The following DLG1 variants were observed in gnomAD, a reference collection of about 807,000 sequenced individuals.
The protein encoded by DLG1 is disks large homolog 1.
DLG1 carries 42 observed loss-of-function variants against 123.4 expected under a neutral mutation model. The observed-to-expected ratio is 0.34, with a 90% CI of 0.27 to 0.44. DLG1 has a LOEUF of 0.44. Ranked by LOEUF, DLG1 falls within the 20% of genes least tolerant of loss-of-function variation. The probability of loss-of-function intolerance (pLI) is 1.00; values close to 1 mark genes in which losing one functional copy is unlikely to be tolerated. For synonymous variants in DLG1, 317 were observed against 356.2 expected, an observed-to-expected ratio of 0.89 and a Z score of 1.24; for missense variants, 942 against 1,082.6, an observed-to-expected ratio of 0.87 and a Z score of 1.82.
intron 5 of DLG1, among the ~76,000 whole-genome samples, chr3:197,158,796 C>T (rs1797587691): frequency 6.6e-6 from 1 of 152,134 alleles, no homozygotes; most frequent in African/African-American, 2.4e-5. Context: ...ATGTTCTATT[C>T]ATCTTCAAAG....
chr3:197,105,050 T>C (rs759276055), intron 13 of DLG1, 45 bp from the exon 14 acceptor site: 4 of 1,279,432 alleles, frequency 3.1e-6, no homozygotes, highest in Non-Finnish European at 4.4e-6. Flanking sequence ...AGAATCACTG[T>C]GATTAGAAAT....
Position 197,090,972 on chromosome 3 carries a change from C to G in DLG1, c.1601G>C (p.Ser534Thr), listed in dbSNP as rs772346988. The change falls in exon 15 of 25, where the codon AGT becomes ACT. Residue 534 changes from serine to threonine, a missense_variant. Physicochemically the swap from Ser to Thr is moderately conservative, Grantham distance 58 (BLOSUM62 1). Transcript: ENST00000667157. Reference protein sequence around the residue: ...IHDLREQMMNSSISSGSGSLR... With the variant: ...IHDLREQMMNTSISSGSGSLR... ...AGAACCTGACCCTGAACTAATACTA[C>G]TATTCATCATCTGCTCCCGTAAATC... 1.2e-6 allele frequency: 2 copies of G among 1,612,504 alleles called. No homozygotes were observed. The highest frequency in any genetic ancestry group is 1.7e-5 in the Admixed American group (1 of 59,994).
At chr3:197,143,989 A>G (rs1789392061) in intron 6 of DLG1, among the ~76,000 whole-genome samples, 1 of 152,242 alleles carries the variant, frequency 6.6e-6, no homozygotes, top group African/African-American at 2.4e-5. Context: ...TCCTTCCTTT[A>G]AAATTTCTCG....
rs1453745087 is a variant in DLG1 at position 197,190,500 on chromosome 3, A to G, written c.483+3925T>C. Among the ~76,000 whole-genome samples the G allele has an allele frequency of 3.9e-5, 6 of 152,308 alleles. No individual in the cohort carries two copies. The East Asian group carries it at 1.2e-3, about 29-fold the overall frequency. ...TGAAATCTGCATTTGTTTCATCCGCATATAAGTGGAGCAGTGCAGTTCCAA... is the reference window on the plus strand; with the variant it reads ...TGAAATCTGCATTTGTTTCATCCGCGTATAAGTGGAGCAGTGCAGTTCCAA... On this transcript the variant is annotated intron_variant, in intron 5 of 24. Transcript: ENST00000667157.
chr3:197,178,845 G>A (rs1242465768), intron 5 of DLG1, among the ~76,000 whole-genome samples: 7 of 152,126 alleles, frequency 4.6e-5, no homozygotes, highest in Admixed American at 3.3e-4. Flanking sequence ...CTCACACAAC[G>A]AGGGTTTTTT....
intron 4 of DLG1, among the ~76,000 whole-genome samples, chr3:197,210,531 G>T (rs1213101361): frequency 7.0e-6 from 1 of 143,836 alleles, no homozygotes; most frequent in Non-Finnish European, 1.6e-5. Flanking sequence ...CAATAGGTTA[G>T]ATGAAATCAA....
rs141722644 is a variant in DLG1 at position 197,298,475 on chromosome 3, A to G, written c.-32+61T>C. 5.0e-3 allele frequency: 2,013 copies of G among 398,712 alleles called. 32 individuals are homozygous for G. Among genetic ancestry groups the G allele is most frequent in the African/African-American group, 0.037 (1,819 of 48,758 alleles). The allele number at this position is 398,712 out of a possible 1,614,324, so 24.7% of individuals were successfully genotyped here. A position where few individuals can be genotyped will look rare whatever the true frequency, so the allele number is the denominator to read the frequency against. On this transcript the variant is annotated intron_variant, in intron 1 of 24. Transcript: ENST00000667157. ...CCGAACTAAACGCGCCAGGCCGGGAAGGCTCGGGCTGTCTGAAGAGAGGCG... is the reference window on the plus strand; with the variant it reads ...CCGAACTAAACGCGCCAGGCCGGGAGGGCTCGGGCTGTCTGAAGAGAGGCG...
chr3:197,183,187 C>T (rs993401224), intron 5 of DLG1, among the ~76,000 whole-genome samples: 1 of 152,116 alleles, frequency 6.6e-6, no homozygotes, highest in African/African-American at 2.4e-5. Context: ...GTAACAGTCT[C>T]CCTAAGGTTA....
intron 8 of DLG1, among the ~76,000 whole-genome samples, chr3:197,139,076 G>A (rs1034611817): frequency 5.9e-5 from 9 of 152,068 alleles, no homozygotes; most frequent in African/African-American, 1.7e-4. Context: ...CAAAGGTTTC[G>A]TAGGTAAAGA....
At chr3:197,085,468 A>T in intron 16 of DLG1, 112 bp downstream of exon 16, 2 of 1,091,856 alleles carry the variant, frequency 1.8e-6, no homozygotes, top group Non-Finnish European at 2.7e-6. Flanking sequence ...GGCTTTTTTC[A>T]ATTAGAATAA....
rs201166061 is a variant in DLG1, at chr3:197,130,508, C to T, written c.1165+19G>A. The T allele has an allele frequency of 1.8e-4, 285 of 1,555,360 alleles. 2 individuals carry two copies. In the South Asian group the frequency reaches 3.0e-3, roughly 16 times the overall value. Reference sequence around the variant, plus strand: ...AAGAAGTAAGATAAATTTAAGCAAACGTATGCTAACAGACTTACAGTTGGT... The same window carrying T: ...AAGAAGTAAGATAAATTTAAGCAAATGTATGCTAACAGACTTACAGTTGGT... On this transcript the variant is annotated intron_variant, in intron 11 of 24. Coordinates refer to ENST00000667157, the MANE Select transcript of DLG1 (RefSeq NM_001366207.1).
At chr3:197,092,341 A>G (rs759840565) in intron 14 of DLG1, among the ~76,000 whole-genome samples, 37 of 152,228 alleles carry the variant, frequency 2.4e-4, no homozygotes, top group Non-Finnish European at 4.6e-4. Context: ...ATAGCAGAAT[A>G]AAAGTACCGG....
chr3:197,265,444 C>T (rs570601041), intron 4 of DLG1, among the ~76,000 whole-genome samples: 2 of 152,200 alleles, frequency 1.3e-5, no homozygotes, highest in Admixed American at 6.5e-5. Context: ...GGAAACTCAA[C>T]GAAACCCAGC....
Position 197,282,826 on chromosome 3 carries a change from T to C in DLG1, c.171A>G (p.Glu57=). Reference sequence around the variant, plus strand: ...ATTTTGGATTATCCAGTAAGGTCACTTCATAAAATTCTTGAATATCTAGAA... The same window carrying C: ...ATTTTGGATTATCCAGTAAGGTCACCTCATAAAATTCTTGAATATCTAGAA... ...QALIDIQEFY[E]VTLLDNPKCI... is the part of the protein sequence containing the mutation. Residue 57 remains glutamate (E), a synonymous_variant, in exon 4 of 25, where the codon GAA becomes GAG. Transcript: ENST00000667157. 1 of 1,568,768 alleles carries C rather than the reference T, an allele frequency of 6.4e-7. No individual in the cohort carries two copies.
At chr3:197,093,773 CATAA>C (rs1453476856) in intron 14 of DLG1, among the ~76,000 whole-genome samples, 1 of 152,162 alleles carries the variant, frequency 6.6e-6, no homozygotes, top group Non-Finnish European at 1.5e-5. Context: ...AAGCTTTTAA[CATAA>C]ATAAACCAGT....
At chr3:197,066,593 AGT>A (rs1739738967) in intron 20 of DLG1, 109 bp downstream of exon 20, 2 of 638,628 alleles carry the variant, frequency 3.1e-6, no homozygotes, top group African/African-American at 4.4e-5. Flanking sequence ...ATGTATATGT[AGT>A]AAAAAAAAAT....
intron 11 of DLG1, among the ~76,000 whole-genome samples, chr3:197,125,159 T>C (rs1778388984): frequency 6.6e-6 from 1 of 152,118 alleles, no homozygotes; most frequent in South Asian, 2.1e-4. Flanking sequence ...TTATATGAAA[T>C]ATGAAGTGAG....
intron 5 of DLG1, among the ~76,000 whole-genome samples, chr3:197,162,506 C>G (rs192638041): frequency 1.3e-5 from 2 of 152,012 alleles, no homozygotes; most frequent in African/African-American, 4.8e-5. Context: ...ACAGGAAGAA[C>G]AAATTGCCAG....
At chr3:197,243,824 C>T (rs968870321) in intron 4 of DLG1, among the ~76,000 whole-genome samples, 1 of 152,144 alleles carries the variant, frequency 6.6e-6, no homozygotes. Context: ...TGATTTCGGG[C>T]TTTAAATTCA....
Sources: allele counts gnomAD v4.1 joint callset (sites outside exome capture counted in the v4.1 genomes callset), GRCh38; gene constraint gnomAD v4.1.1; transcripts MANE v1.5; gene names NCBI Gene and HGNC (gene_info 2026-07-23, HGNC 2026-07-21).